Variants in AP3D1 observed in about 807,000 individuals in gnomAD.
AP3D1 encodes adaptor related protein complex 3 subunit delta 1.
AP3D1 carries 51 observed loss-of-function variants against 147.6 expected under a neutral mutation model. The ratio of observed to expected loss-of-function variants is 0.35; its 90% CI spans 0.28 to 0.44. The LOEUF (loss-of-function observed/expected upper bound fraction) is 0.44, where lower values mean the gene tolerates loss of function less well. Ranked by LOEUF, AP3D1 falls within the 20% of genes least tolerant of loss-of-function variation. AP3D1 has a pLI of 1.00. For synonymous variants in AP3D1, 760 were observed against 663.0 expected (o/e 1.15, Z -2.25); for missense variants, 1,421 against 1,624.2 (o/e 0.87, Z 2.15).
intron 1 of AP3D1, among the ~76,000 whole-genome samples, chr19:2,149,014 G>T (rs72983485): frequency 6.6e-6 from 1 of 152,096 alleles, no homozygotes; most frequent in African/African-American, 2.4e-5. Flanking sequence ...GGTACAACTA[G>T]AACTGTCATT....
rs1265626272 is a variant in AP3D1 at position 2,111,787 on chromosome 19, C to T, written c.2829G>A (p.Lys943=). 1.9e-6 allele frequency: 3 copies of T among 1,613,904 alleles called. No individual in the cohort carries two copies. The highest frequency in any genetic ancestry group is 1.6e-4 in the Middle Eastern group (1 of 6,062). The change falls in exon 25 of 32, where the codon AAG becomes AAA. Residue 943 remains lysine, a synonymous_variant. Transcript: ENST00000643116. The part of the protein sequence containing the change: ...KPKKKKHRKE[K]EERTKGKKKS... ...TCTTCTTGCCTTTGGTCCGCTCCTC[C>T]TTCTCCTTCCTGTGCTTCTTCTTCT...
intron 1 of AP3D1, among the ~76,000 whole-genome samples, chr19:2,139,182 G>T (rs2144519321): frequency 6.6e-6 from 1 of 152,214 alleles, no homozygotes; most frequent in Admixed American, 6.5e-5. Flanking sequence ...GGGATTCGTG[G>T]GTGCCACAGG....
chr19:2,117,347 C>T lies in AP3D1; in HGVS notation c.1734G>A (p.Leu578=), dbSNP rs2018486228. 1 of 1,609,410 alleles carries T rather than the reference C, an allele frequency of 6.2e-7. No individual in the cohort carries two copies. Among genetic ancestry groups the T allele is most frequent in the Non-Finnish European group, 8.5e-7 (1 of 1,178,528 alleles). ...CCTGAAGCTTCTGGATGTGCTTGACCAGCTGCAGGATGCAGGACGCCTGTG... is the reference window on the plus strand; with the variant it reads ...CCTGAAGCTTCTGGATGTGCTTGACTAGCTGCAGGATGCAGGACGCCTGTG... ...VQERASCILQ[L]VKHIQKLQAK... Residue 578 remains leucine, a synonymous_variant, in exon 16 of 32, where the codon CTG becomes CTA. Transcript: ENST00000643116.
chr19:2,153,600 AG>A (rs557899468), upstream of AP3D1, among the ~76,000 whole-genome samples: 103 of 150,554 alleles, frequency 6.8e-4, no homozygotes, highest in African/African-American at 2.4e-3. Context: ...GGCTCCGCCC[AG>A]GGGGCGGAGG....
intron 1 of AP3D1, among the ~76,000 whole-genome samples, chr19:2,146,043 G>C (rs1318647796): frequency 6.6e-6 from 1 of 152,150 alleles, no homozygotes; most frequent in Non-Finnish European, 1.5e-5. Context: ...GCTTTCCTGA[G>C]GGCCTCTACG....
chr19:2,162,531 C>T (rs567187254), intron 1 of AP3D1, among the ~76,000 whole-genome samples: 43 of 151,286 alleles, frequency 2.8e-4, no homozygotes, highest in Non-Finnish European at 5.0e-4. Flanking sequence ...CGTGGTGACT[C>T]GTGCCTGTAG....
At chr19:2,159,228 T>C (rs140954101) in intron 1 of AP3D1, among the ~76,000 whole-genome samples, 6,606 of 151,252 alleles carry the variant, frequency 0.044, 217 homozygotes, top group East Asian at 0.14. Flanking sequence ...TCTCTTTTTT[T>C]TTTTTTTTGA....
At chr19:2,136,988 G>A (rs368425264) in intron 4 of AP3D1, 23 bp downstream of exon 4, 65 of 1,565,270 alleles carry the variant, frequency 4.2e-5, no homozygotes, top group African/African-American at 6.8e-5. Context: ...AGCACAGAGC[G>A]GCCCCGGCCC....
At chr19:2,111,007 A>T in intron 26 of AP3D1, 111 bp from the exon 27 acceptor site, 1 of 1,270,882 alleles carries the variant, frequency 7.9e-7, no homozygotes, top group Non-Finnish European at 1.1e-6. Flanking sequence ...CAGGCACAGG[A>T]AGGCACGGAG....
intron 1 of AP3D1, among the ~76,000 whole-genome samples, chr19:2,157,238 C>T (rs112663739): frequency 0.061 from 9,267 of 150,928 alleles, 708 homozygotes; most frequent in African/African-American, 0.18. Context: ...GTCAGGAGAT[C>T]GAGACCATCC....
At chr19:2,127,045 G>C in intron 9 of AP3D1, 107 bp downstream of exon 9, 1 of 1,227,414 alleles carries the variant, frequency 8.1e-7, no homozygotes, top group Non-Finnish European at 1.2e-6. Flanking sequence ...CTCAGTTCCA[G>C]CAGGGGTGGC....
chr19:2,137,348 C>G (rs1053407730), intron 3 of AP3D1, among the ~76,000 whole-genome samples: 1 of 151,796 alleles, frequency 6.6e-6, no homozygotes, highest in Admixed American at 6.6e-5. Flanking sequence ...AAGTCTCGCT[C>G]TGTTGCCCAG....
chr19:2,108,375 C>T (rs565509579), intron 31 of AP3D1, among the ~76,000 whole-genome samples: 2 of 152,194 alleles, frequency 1.3e-5, no homozygotes, highest in Admixed American at 6.5e-5. Context: ...GTGGAGAGTC[C>T]GACCCCAGGG....
At chr19:2,149,549 A>G (rs2019451045) in intron 1 of AP3D1, among the ~76,000 whole-genome samples, 1 of 151,656 alleles carries the variant, frequency 6.6e-6, no homozygotes. Context: ...GTCTCAAAAA[A>G]AAAAAAAAAA....
At chr19:2,144,972 T>C (rs1214941244) in intron 1 of AP3D1, among the ~76,000 whole-genome samples, 1 of 151,798 alleles carries the variant, frequency 6.6e-6, no homozygotes, top group Non-Finnish European at 1.5e-5. Flanking sequence ...AGCAGGTCAG[T>C]GGTCGCCAGG....
chr19:2,122,570 C>T (rs1385800577), intron 11 of AP3D1, among the ~76,000 whole-genome samples: 5 of 152,230 alleles, frequency 3.3e-5, no homozygotes, highest in Admixed American at 2.0e-4. Flanking sequence ...TTTTCTGACA[C>T]GTCTGTGCCT....
intron 1 of AP3D1, among the ~76,000 whole-genome samples, chr19:2,156,646 C>G (rs564762778): frequency 6.6e-6 from 1 of 151,900 alleles, no homozygotes; most frequent in Non-Finnish European, 1.5e-5. Context: ...GTCAGGAGAT[C>G]GAGACCATCC....
chr19:2,118,868 C>G lies in AP3D1; in HGVS notation c.1482-36G>C, dbSNP rs761217767. On this transcript the variant is annotated intron_variant, in intron 14 of 31. Coordinates refer to ENST00000643116, the MANE Select transcript of AP3D1 (RefSeq NM_001261826.3). ...GAAACACTGTGAGCCCCCAGGATGC[C>G]AATCCCGGGGCTCCTCTCTAGCAGG... is the stretch of plus-strand genomic sequence containing the variant. 7.6e-6 allele frequency: 12 copies of G among 1,582,514 alleles called. 1 individual carries two copies. The South Asian group carries it at 1.2e-4, about 16-fold the overall frequency.
chr19:2,131,818 T>G (rs2018958404), intron 5 of AP3D1, among the ~76,000 whole-genome samples: 1 of 98,308 alleles, frequency 1.0e-5, no homozygotes, highest in South Asian at 3.1e-4. Context: ...TCTAGACACC[T>G]CCGGGCGGAC....
Sources: gnomAD v4.1 joint callset for allele counts (sites outside exome capture counted in the v4.1 genomes callset) on GRCh38, gnomAD v4.1.1 for gene constraint, MANE v1.5 for transcripts, NCBI Gene and HGNC (gene_info 2026-07-23, HGNC 2026-07-21) for gene names.